The following CSMD2 variants were observed in gnomAD, a reference collection of about 807,000 sequenced individuals.
The protein encoded by CSMD2 is CUB and Sushi multiple domains 2, also known as CUB and sushi domain-containing protein 2.
Under a neutral mutation model 398.5 loss-of-function variants are expected in CSMD2, and 130 were observed. That is an observed-to-expected ratio of 0.33 (90% CI 0.28 to 0.38). CSMD2 has a LOEUF of 0.38. Ranked by LOEUF, CSMD2 falls within the 10% of genes least tolerant of loss-of-function variation. CSMD2 has a pLI of 1.00. For synonymous variants in CSMD2, 1,828 were observed against 1,908.5 expected (o/e 0.96, Z 1.10); for missense variants, 3,829 against 4,764.9 (o/e 0.80, Z 5.78).
intron 1 of CSMD2, among the ~76,000 whole-genome samples, chr1:34,138,952 T>A (rs1639018444): frequency 6.6e-6 from 1 of 152,198 alleles, no homozygotes; most frequent in African/African-American, 2.4e-5. Flanking sequence ...TTCGACTTCC[T>A]CTCCATCACC....
At chr1:33,818,517 G>A (rs3842834) in intron 9 of CSMD2, among the ~76,000 whole-genome samples, 105,382 of 152,134 alleles carry the variant, frequency 0.69, 37,997 homozygotes, top group African/African-American at 0.91. Context: ...AGCAACATTT[G>A]GAGGTAAGAA....
At chr1:34,019,642 T>C (rs974388180) in intron 3 of CSMD2, among the ~76,000 whole-genome samples, 3 of 152,182 alleles carry the variant, frequency 2.0e-5, no homozygotes, top group Non-Finnish European at 2.9e-5. Flanking sequence ...ACTGGTTTCC[T>C]TCCCCGCAGT....
intron 1 of CSMD2, among the ~76,000 whole-genome samples, chr1:34,162,380 C>G (rs918914390): frequency 6.6e-6 from 1 of 151,968 alleles, no homozygotes; most frequent in Non-Finnish European, 1.5e-5. Flanking sequence ...ATCACTGAGC[C>G]GAGGAAGGGA....
chr1:33,682,307 CTTAAT>C (rs1220175765), intron 25 of CSMD2, among the ~76,000 whole-genome samples: 2 of 152,116 alleles, frequency 1.3e-5, no homozygotes, highest in African/African-American at 4.8e-5. Flanking sequence ...TTTCAAAATC[CTTAAT>C]TTAATCACAC....
At chr1:33,686,060 G>A (rs760634793) in intron 25 of CSMD2, among the ~76,000 whole-genome samples, 1 of 152,168 alleles carries the variant, frequency 6.6e-6, no homozygotes, top group Non-Finnish European at 1.5e-5. Flanking sequence ...TCTCAAGGAA[G>A]GTCATTCATT....
At chr1:33,680,740 C>A (rs1644880766) in intron 25 of CSMD2, among the ~76,000 whole-genome samples, 1 of 152,072 alleles carries the variant, frequency 6.6e-6, no homozygotes, top group Non-Finnish European at 1.5e-5. Flanking sequence ...GTGGAACAGA[C>A]ACCTCCAGCC....
intron 3 of CSMD2, among the ~76,000 whole-genome samples, chr1:34,003,350 A>C (rs992721688): frequency 1.3e-5 from 2 of 152,176 alleles, no homozygotes; most frequent in African/African-American, 4.8e-5. Context: ...GATTTCCATG[A>C]GATAAGATCC....
chr1:33,632,851 C>T (rs918907946), intron 32 of CSMD2, among the ~76,000 whole-genome samples: 1 of 151,992 alleles, frequency 6.6e-6, no homozygotes, highest in Non-Finnish European at 1.5e-5. Context: ...ATAGGGAATT[C>T]GTTACATAAA....
intron 37 of CSMD2, among the ~76,000 whole-genome samples, chr1:33,621,355 A>G (rs1160460327): frequency 6.6e-6 from 1 of 152,186 alleles, no homozygotes; most frequent in African/African-American, 2.4e-5. Context: ...TCTCCCTTGA[A>G]CCATTTCTCT....
rs1553219417 is a variant in CSMD2 at position 33,820,582 on chromosome 1, A to AAAC, written c.1112-27_1112-26insGTT. ...CTACAAGGCAAAAAAAAAAAAAAAA[A>AAAC]AAAAAACAGCACACACAGAGATGGA... is the stretch of plus-strand genomic sequence containing the variant. On this transcript the variant is annotated intron_variant, in intron 7 of 70. Coordinates refer to ENST00000373381, the MANE Select transcript of CSMD2 (RefSeq NM_001281956.2). 6.0e-6 allele frequency: 7 copies of AAAC among 1,160,074 alleles called. No homozygotes were observed. The East Asian group carries it at 1.7e-4, about 27-fold the overall frequency. 71.9% of individuals were successfully genotyped at this position (1,160,074 alleles called of 1,614,324 possible). A position where few individuals can be genotyped will look rare whatever the true frequency, so the allele number is the denominator to read the frequency against.
At position 33,624,557 on chromosome 1, in the gene CSMD2, C is replaced by T. The variant is rs769834652; in HGVS notation, c.5587G>A (p.Val1863Met). The T allele has an allele frequency of 6.2e-7, 1 of 1,614,036 alleles. No homozygotes were observed. The highest frequency in any genetic ancestry group is 2.2e-5 in the East Asian group (1 of 44,878). The change falls in exon 35 of 71, where the codon GTG becomes ATG. Residue 1863 changes from valine (V) to methionine (M), a missense_variant. Coordinates refer to ENST00000373381, the MANE Select transcript of CSMD2 (RefSeq NM_001281956.2). This position sits in a 1 kb window ranked among gnomAD's most constrained non-coding sequence, Gnocchi z 4.7. Reference sequence around the variant, plus strand: ...CCTTCGGGGACCACGATCTTCCACACACAGTTGAGGCTGTTGAGGTACGGC... The same window carrying T: ...CCTTCGGGGACCACGATCTTCCACATACAGTTGAGGCTGTTGAGGTACGGC... ...PEPYLNSLNC[V>M]WKIVVPEGAG...
chr1:34,069,090 G>C (rs958826551), intron 2 of CSMD2, among the ~76,000 whole-genome samples: 1 of 152,148 alleles, frequency 6.6e-6, no homozygotes, highest in African/African-American at 2.4e-5. Context: ...CTTTCACATG[G>C]CAGCCTGCAT....
At chr1:33,822,739 G>GGTC (rs1436192707) in intron 7 of CSMD2, among the ~76,000 whole-genome samples, 1 of 152,096 alleles carries the variant, frequency 6.6e-6, no homozygotes, top group African/African-American at 2.4e-5. Flanking sequence ...ATAACTAGGG[G>GGTC]GTCCTCTAAG....
At chr1:34,015,979 T>C (rs1648037320) in intron 3 of CSMD2, among the ~76,000 whole-genome samples, 1 of 151,896 alleles carries the variant, frequency 6.6e-6, no homozygotes, top group Non-Finnish European at 1.5e-5. Flanking sequence ...CCTCTATCTT[T>C]TGAAAGATGC....
chr1:34,076,926 A>ATATATATATATAT (rs1412247103), intron 2 of CSMD2, among the ~76,000 whole-genome samples: 1 of 97,200 alleles, frequency 1.0e-5, no homozygotes, highest in Non-Finnish European at 2.0e-5. Flanking sequence ...AAAAAAAAAA[A>ATATATATATATAT]AAATATATAT....
rs1341525676 is a variant in CSMD2 at position 33,645,342 on chromosome 1, TATACACACACACACAC to T, written c.4774+1290_4774+1305del. Among the ~76,000 whole-genome samples the T allele has an allele frequency of 2.5e-3, 258 of 104,304 alleles. 1 individual carries two copies. Among genetic ancestry groups the T allele is most frequent in the African/African-American group, 8.4e-3 (217 of 25,796 alleles). 68.4% of individuals were successfully genotyped at this position (104,304 alleles called of 152,430 possible). A position where few individuals can be genotyped will look rare whatever the true frequency, so the allele number is the denominator to read the frequency against. On this transcript the variant is annotated intron_variant, in intron 29 of 70. Coordinates refer to ENST00000373381, the MANE Select transcript of CSMD2 (RefSeq NM_001281956.2). ...AGAGTGTTTAGTACATATGGAGCAT[TATACACACACACACAC>T]ACACACACACACACACACACACACA...
rs377324931 is a variant in CSMD2, at chr1:33,664,727, C to T, written c.4053-1635G>A. ...CTGAGGCAGGAGAATGTAATGAACC[C>T]GGGAGGTGGAGCTTGCAGTGAGCCA... On this transcript the variant is annotated intron_variant, in intron 25 of 70. Transcript: ENST00000373381. Among the ~76,000 whole-genome samples, 32 of 152,056 alleles carry T rather than the reference C, an allele frequency of 2.1e-4. No homozygotes were observed. The South Asian group carries it at 3.3e-3, about 16-fold the overall frequency.
chr1:33,787,958 A>G (rs1048635788), intron 12 of CSMD2, among the ~76,000 whole-genome samples: 2 of 152,328 alleles, frequency 1.3e-5, no homozygotes, highest in Non-Finnish European at 2.9e-5. Flanking sequence ...ATGCAACCCA[A>G]TAGGGTATCT....
In CSMD2 at chr1:33,636,314, A is replaced by T. The variant is rs145655543; in HGVS notation, c.4969+46T>A. The T allele has an allele frequency of 1.4e-4, 207 of 1,518,812 alleles. No homozygotes were observed. The African/African-American group carries it at 2.5e-3, about 18-fold the overall frequency. The allele number at this position is 1,518,812 out of a possible 1,614,324, so 94.1% of individuals were successfully genotyped here. A position where few individuals can be genotyped will look rare whatever the true frequency, so the allele number is the denominator to read the frequency against. On this transcript the variant is annotated intron_variant, in intron 30 of 70. Transcript: ENST00000373381. This position sits in a 1 kb window ranked among gnomAD's most constrained non-coding sequence, Gnocchi z 4.8. ...GCCCACAGCACCCTCTGCCCCTGGCATGCCCTCAGTTCCTCAGACCCCTGC... is the reference window on the plus strand; with the variant it reads ...GCCCACAGCACCCTCTGCCCCTGGCTTGCCCTCAGTTCCTCAGACCCCTGC...
Sources: allele counts gnomAD v4.1 joint callset (sites outside exome capture counted in the v4.1 genomes callset), GRCh38; gene constraint gnomAD v4.1.1; non-coding constraint Gnocchi (gnomAD v3.1); transcripts MANE v1.5; gene names NCBI Gene and HGNC (gene_info 2026-07-23, HGNC 2026-07-21).